TRRAP: variants seen among roughly 807,000 people sequenced by gnomAD.
TRRAP encodes transformation/transcription domain associated protein, also known as transformation/transcription domain-associated protein.
A neutral mutation model predicts 438.8 loss-of-function variants in TRRAP; 41 were observed. The observed-to-expected ratio is 0.09, with a 90% CI of 0.07 to 0.12. The LOEUF is 0.12. TRRAP is among the 10% of genes least tolerant of loss of function. The probability of loss-of-function intolerance (pLI) is 1.00; values close to 1 mark genes in which losing one functional copy is unlikely to be tolerated. For synonymous variants in TRRAP, 1,994 were observed against 1,962.9 expected, an observed-to-expected ratio of 1.02 and a Z score of -0.42; for missense variants, 3,122 against 5,055.1, an observed-to-expected ratio of 0.62 and a Z score of 11.60.
chr7:98,920,839 C>G (rs1789754439), intron 20 of TRRAP, among the ~76,000 whole-genome samples: 1 of 152,124 alleles, frequency 6.6e-6, no homozygotes, highest in Non-Finnish European at 1.5e-5. Context: ...GTGCTCCTCC[C>G]CACCCATTTT....
At chr7:98,973,994 T>G (rs897259205) in intron 53 of TRRAP, among the ~76,000 whole-genome samples, 3 of 152,232 alleles carry the variant, frequency 2.0e-5, no homozygotes, top group Non-Finnish European at 2.9e-5. Context: ...TCTCATTTCA[T>G]CATTTCAGCA....
chr7:98,991,394 T>A (rs1041652227), intron 64 of TRRAP, among the ~76,000 whole-genome samples: 1 of 152,216 alleles, frequency 6.6e-6, no homozygotes, highest in Non-Finnish European at 1.5e-5. Flanking sequence ...ACCTGTGCTA[T>A]GTGGGCCCTG....
In TRRAP at chr7:98,933,410, G is replaced by T; in HGVS notation, c.4014+8G>T. The T allele has an allele frequency of 6.2e-7, 1 of 1,611,674 alleles. No individual in the cohort carries two copies. Among genetic ancestry groups the T allele is most frequent in the Non-Finnish European group, 8.5e-7 (1 of 1,179,144 alleles). On this transcript the variant is annotated splice_region_variant and intron_variant, in intron 27 of 72. Transcript: ENST00000456197. ...AAGGTGTTCTACACAGAGGTAGGGG[G>T]GTGGTGGTGCGGAGTGGTGTGGATG...
chr7:98,967,647 G>A lies in TRRAP; in HGVS notation c.7461G>A (p.Ser2487=), dbSNP rs55747560. 9 of 1,613,876 alleles carry A rather than the reference G, an allele frequency of 5.6e-6. No individual in the cohort carries two copies. Among genetic ancestry groups the A allele is most frequent in the African/African-American group, 1.3e-5 (1 of 74,886 alleles). ...VYERLLYVTC[S]QNWEAMGNHF... ...AGCGCTTGCTCTATGTGACCTGTTC[G>A]CAGAACTGGGAAGCCATGGGGAACC... is the stretch of plus-strand genomic sequence containing the variant. Residue 2487 remains serine (S), a synonymous_variant, in exon 51 of 73, where the codon TCG becomes TCA. Coordinates refer to ENST00000456197, the MANE Select transcript of TRRAP (RefSeq NM_001375524.1).
At chr7:98,959,282 A>G (rs1791773006) in intron 44 of TRRAP, 62 bp from the exon 45 acceptor site, 2 of 1,591,040 alleles carry the variant, frequency 1.3e-6, no homozygotes, top group Non-Finnish European at 1.7e-6. Context: ...ACGTGCTGTC[A>G]CTGGAATGAC....
intron 67 of TRRAP, chr7:98,999,473 T>C: frequency 1.2e-6 from 1 of 805,524 alleles, no homozygotes; most frequent in Non-Finnish European, 2.2e-6. Flanking sequence ...CTCGGCACTT[T>C]TTCCTGAGAA....
intron 28 of TRRAP, 88 bp from the exon 29 acceptor site, chr7:98,937,068 A>G (rs1790589159): frequency 7.2e-7 from 1 of 1,394,808 alleles, no homozygotes; most frequent in Admixed American, 2.4e-5. Flanking sequence ...TCTCTACCAA[A>G]TAATAATAAT....
At position 98,908,597 on chromosome 7, in the gene TRRAP, G is replaced by A. The variant is rs782727929; in HGVS notation, c.1116-131G>A. 7 of 712,304 alleles carry A rather than the reference G, an allele frequency of 9.8e-6. No homozygotes were observed. Among genetic ancestry groups the A allele is most frequent in the Non-Finnish European group, 1.7e-5 (7 of 419,916 alleles). 44.1% of individuals were successfully genotyped at this position (712,304 alleles called of 1,614,324 possible). ...CATGTATCTGGGAGAGAGTAATGTG[G>A]TGAAAATGGGCCATGTAAGTGTGCC... On this transcript the variant is annotated intron_variant, in intron 13 of 72. Transcript: ENST00000456197. This position sits in a 1 kb window ranked among gnomAD's most constrained non-coding sequence, Gnocchi z 4.1.
chr7:98,947,700 C>G (rs1791149151), intron 33 of TRRAP, among the ~76,000 whole-genome samples: 1 of 152,212 alleles, frequency 6.6e-6, no homozygotes, highest in East Asian at 1.9e-4. Flanking sequence ...AGGTGATCCA[C>G]CCGCCTCAGC....
intron 47 of TRRAP, 119 bp downstream of exon 47, chr7:98,962,546 C>A: frequency 1.3e-6 from 2 of 1,558,968 alleles, no homozygotes; most frequent in South Asian, 1.2e-5. Context: ...TGAGCCGCTG[C>A]GTTGTTCAGG....
chr7:99,000,443 G>A (rs183858903), intron 67 of TRRAP, among the ~76,000 whole-genome samples: 2 of 152,326 alleles, frequency 1.3e-5, no homozygotes, highest in Admixed American at 1.3e-4. Flanking sequence ...TGCCATGTGG[G>A]GCAAGCCGGA....
chr7:98,951,112 A>G (rs964168657), intron 39 of TRRAP, 108 bp downstream of exon 39: 1 of 1,122,960 alleles, frequency 8.9e-7, no homozygotes, highest in Non-Finnish European at 1.2e-6. Flanking sequence ...GTTCATTGAA[A>G]TAAGTTTGTT....
chr7:98,890,436 A>G lies in TRRAP; in HGVS notation c.252A>G (p.Lys84=). The part of the protein sequence containing the change: ...QDGEVQFLQE[K]PAQQLRKLVL... ...GAGAAGTTCAGTTTCTTCAGGAGAA[A>G]CCAGCACAGGTAATGTAAAAAAATA... Residue 84 remains lysine (K), a synonymous_variant, in exon 4 of 73, where the codon AAA becomes AAG. Transcript: ENST00000456197. 1 of 1,591,082 alleles carries G rather than the reference A, an allele frequency of 6.3e-7. No homozygotes were observed. Among genetic ancestry groups the G allele is most frequent in the Non-Finnish European group, 8.5e-7 (1 of 1,171,328 alleles).
chr7:98,880,279 T>TTTTTTC (rs1461000690), intron 1 of TRRAP, among the ~76,000 whole-genome samples: 12 of 144,690 alleles, frequency 8.3e-5, no homozygotes, highest in African/African-American at 1.4e-4. Flanking sequence ...TTTTTTTTTT[T>TTTTTTC]CCGAGACTGA....
intron 1 of TRRAP, among the ~76,000 whole-genome samples, chr7:98,880,351 C>CGG (rs1157180069): frequency 1.3e-5 from 2 of 149,712 alleles, no homozygotes; most frequent in Non-Finnish European, 3.0e-5. Context: ...GCAATCTCCA[C>CGG]CTCCTGGGTT....
At chr7:98,897,979 G>A in intron 8 of TRRAP, 113 bp downstream of exon 8, 1 of 1,521,250 alleles carries the variant, frequency 6.6e-7, no homozygotes, top group Non-Finnish European at 9.0e-7. Context: ...ACAAACGTGT[G>A]TGCCTGGCAA....
rs555758549 is a variant in TRRAP, at chr7:98,941,337, G to A, written c.4405-1612G>A. Among the ~76,000 whole-genome samples the A allele has an allele frequency of 4.6e-5, 7 of 152,116 alleles. No individual in the cohort carries two copies. The East Asian group carries it at 5.8e-4, about 13-fold the overall frequency. On this transcript the variant is annotated intron_variant, in intron 30 of 72. Coordinates refer to ENST00000456197, the MANE Select transcript of TRRAP (RefSeq NM_001375524.1). ...ATTACAGGCATGCGCCACCGTGCCCGGCTAGTTTTTGCGTTTTTAGTAGAG... is the reference window on the plus strand; with the variant it reads ...ATTACAGGCATGCGCCACCGTGCCCAGCTAGTTTTTGCGTTTTTAGTAGAG...
At chr7:98,920,512 C>G (rs1272066909) in intron 20 of TRRAP, among the ~76,000 whole-genome samples, 1 of 152,002 alleles carries the variant, frequency 6.6e-6, no homozygotes, top group Non-Finnish European at 1.5e-5. Context: ...ACATAGTGAC[C>G]TGTAGTAATT....
intron 33 of TRRAP, 41 bp downstream of exon 33, chr7:98,945,991 T>A: frequency 7.1e-7 from 1 of 1,401,440 alleles, no homozygotes; most frequent in Non-Finnish European, 9.3e-7. Flanking sequence ...GTTGTTGTCG[T>A]TGCTGGTTTT....
Sources: allele counts gnomAD v4.1 joint callset (sites outside exome capture counted in the v4.1 genomes callset), GRCh38; gene constraint gnomAD v4.1.1; non-coding constraint Gnocchi (gnomAD v3.1); transcripts MANE v1.5; gene names NCBI Gene and HGNC (gene_info 2026-07-23, HGNC 2026-07-21).